ATP8A2: variants seen among roughly 807,000 people sequenced by gnomAD.
ATP8A2 encodes the protein ATPase phospholipid transporting 8A2, also known as phospholipid-transporting ATPase IB.
Under a neutral mutation model 165.6 loss-of-function variants are expected in ATP8A2, and 100 were observed. The ratio of observed to expected loss-of-function variants is 0.60; its 90% confidence interval spans 0.51 to 0.71. The LOEUF is 0.71. Ranked by LOEUF, ATP8A2 falls within the 30% of genes least tolerant of loss-of-function variation. The pLI, the probability that ATP8A2 is intolerant of heterozygous loss-of-function variation, is 0.00. For missense variants in ATP8A2, 1,227 were observed against 1,479.5 expected (o/e 0.83, Z 2.80); for synonymous variants, 543 against 548.8 (o/e 0.99, Z 0.15).
intron 24 of ATP8A2, among the ~76,000 whole-genome samples, chr13:25,602,592 G>T (rs2040415168): frequency 6.6e-6 from 1 of 152,236 alleles, no homozygotes; most frequent in Admixed American, 6.5e-5. Flanking sequence ...TCCAGCAAAT[G>T]CAGAGGCAAA....
intron 27 of ATP8A2, among the ~76,000 whole-genome samples, chr13:25,775,344 G>A (rs1329873929): frequency 6.6e-6 from 1 of 152,186 alleles, no homozygotes; most frequent in Non-Finnish European, 1.5e-5. Context: ...CCAGGTGATC[G>A]CTGAGGTGTT....
intron 1 of ATP8A2, among the ~76,000 whole-genome samples, chr13:25,456,222 C>T (rs922119950): frequency 2.0e-5 from 3 of 152,204 alleles, no homozygotes; most frequent in African/African-American, 7.2e-5. Context: ...TCACCCTTTT[C>T]CCCAGCTGGA....
chr13:25,672,628 T>G (rs1308353782), intron 24 of ATP8A2, among the ~76,000 whole-genome samples: 2 of 152,202 alleles, frequency 1.3e-5, no homozygotes, highest in Non-Finnish European at 2.9e-5. Flanking sequence ...ATTTTCTTCA[T>G]TCTCTAAATT....
chr13:25,439,192 A>G (rs1156868697), intron 1 of ATP8A2, among the ~76,000 whole-genome samples: 1 of 152,192 alleles, frequency 6.6e-6, no homozygotes, highest in Non-Finnish European at 1.5e-5. Flanking sequence ...AGGACCTGGC[A>G]AGGGCAGTTC....
intron 25 of ATP8A2, among the ~76,000 whole-genome samples, chr13:25,701,723 AACACAC>A (rs71077495): frequency 0.026 from 3,586 of 140,502 alleles, 50 homozygotes; most frequent in South Asian, 0.071. Flanking sequence ...TTGATACTAA[AACACAC>A]ACACACACAC....
intron 1 of ATP8A2, among the ~76,000 whole-genome samples, chr13:25,435,486 A>G (rs147548865): frequency 7.7e-4 from 118 of 152,272 alleles, no homozygotes; most frequent in African/African-American, 2.7e-3. Context: ...AAGCCAGTAA[A>G]GCTTAAGTTT....
chr13:25,816,846 C>T (rs946749963), intron 27 of ATP8A2, among the ~76,000 whole-genome samples: 2 of 152,176 alleles, frequency 1.3e-5, no homozygotes, highest in Non-Finnish European at 1.5e-5. Flanking sequence ...CTCACTGTGG[C>T]TGATGGGAAT....
chr13:25,731,312 C>A (rs1049535476), intron 25 of ATP8A2, among the ~76,000 whole-genome samples: 97 of 92,592 alleles, frequency 1.0e-3, no homozygotes, highest in South Asian at 3.0e-3. Context: ...AAGAAAAGAC[C>A]GGAAGGAGAG....
intron 33 of ATP8A2, among the ~76,000 whole-genome samples, chr13:25,882,755 T>G (rs939916328): frequency 2.6e-5 from 4 of 152,178 alleles, no homozygotes. Flanking sequence ...TATTATGAAT[T>G]CTAAAGAGAT....
At chr13:25,918,259 A>G (rs1954326707) in intron 33 of ATP8A2, among the ~76,000 whole-genome samples, 2 of 152,228 alleles carry the variant, frequency 1.3e-5, no homozygotes, top group Non-Finnish European at 1.5e-5. Context: ...TGGGTGATAG[A>G]TAGGAGCTTT....
At chr13:25,464,721 G>A (rs1008211428) in intron 1 of ATP8A2, among the ~76,000 whole-genome samples, 5 of 152,194 alleles carry the variant, frequency 3.3e-5, no homozygotes, top group Non-Finnish European at 4.4e-5. Context: ...TGAGGAAAGA[G>A]GTCTGGTTCA....
chr13:25,421,193 GCAGTGGATAAC>G (rs2034289374), intron 1 of ATP8A2, among the ~76,000 whole-genome samples: 1 of 152,216 alleles, frequency 6.6e-6, no homozygotes, highest in Admixed American at 6.5e-5. Flanking sequence ...TCCTAGCATT[GCAGTGGATAAC>G]CAGATACTTA....
chr13:25,609,785 A>AT (rs532359123), intron 24 of ATP8A2, among the ~76,000 whole-genome samples: 1,674 of 133,866 alleles, frequency 0.013, 27 homozygotes, highest in African/African-American at 0.029. Context: ...ACCAACACCT[A>AT]TTTTTTTTTT....
intron 28 of ATP8A2, 38 bp downstream of exon 28, chr13:25,828,230 C>A: frequency 1.3e-6 from 2 of 1,484,884 alleles, no homozygotes; most frequent in Non-Finnish European, 1.9e-6. Flanking sequence ...GCATGCAGAA[C>A]TTAGAACTTC....
intron 1 of ATP8A2, among the ~76,000 whole-genome samples, chr13:25,465,737 TTCCCTCCCTCCCTCTCTCTCTC>T (rs1566153591): frequency 0.019 from 105 of 5,562 alleles, no homozygotes; most frequent in East Asian, 0.07. Context: ...CTTTCTTTCT[TTCCCTCCCTCCCTCTCTCTCTC>T]TCTTTCTCTC....
At position 25,532,293 on chromosome 13, in the gene ATP8A2, G is replaced by A; in HGVS notation, c.442G>A (p.Ala148Thr). 1 of 1,610,708 alleles carries A rather than the reference G, an allele frequency of 6.2e-7. No individual in the cohort carries two copies. Among genetic ancestry groups the A allele is most frequent in the Non-Finnish European group, 8.5e-7 (1 of 1,178,986 alleles). Residue 148 changes from alanine to threonine, a missense_variant, in exon 5 of 37, where the codon GCA becomes ACA. Around this residue, in one of 5 missense-constraint regions of ATP8A2, gnomAD observed 356 missense variants for 394.9 expected, o/e 0.90. Coordinates refer to ENST00000381655, the MANE Select transcript of ATP8A2 (RefSeq NM_016529.6). ...EDFKRHKADN[A>T]VNKKKTIVLR... The stretch of plus-strand genomic sequence containing the variant: ...ACAGAAGCGACACAAGGCAGACAAT[G>A]CAGTTAACAAAAAGAAAACAATAGG...
chr13:25,893,837 C>T, intron 33 of ATP8A2, among the ~76,000 whole-genome samples: 1 of 152,134 alleles, frequency 6.6e-6, no homozygotes, highest in Admixed American at 6.5e-5. Flanking sequence ...TTTTTGGCTG[C>T]ATAAATGTCT....
At chr13:25,720,482 A>C (rs185133461) in intron 25 of ATP8A2, among the ~76,000 whole-genome samples, 1 of 152,240 alleles carries the variant, frequency 6.6e-6, no homozygotes, top group East Asian at 1.9e-4. Flanking sequence ...TGATAAATGT[A>C]TACTTCTATG....
chr13:25,697,965 T>C (rs1219821018), intron 24 of ATP8A2, among the ~76,000 whole-genome samples: 1 of 152,236 alleles, frequency 6.6e-6, no homozygotes, highest in Non-Finnish European at 1.5e-5. Flanking sequence ...TAATAGTAGC[T>C]GATCCTCAAT....
Sources: gnomAD v4.1 joint callset for allele counts (sites outside exome capture counted in the v4.1 genomes callset) on GRCh38, gnomAD v4.1.1 for gene constraint, gnomAD v4.1.1 regional missense constraint, MANE v1.5 for transcripts, NCBI Gene and HGNC (gene_info 2026-07-23, HGNC 2026-07-21) for gene names.